ECT2L: variants seen among roughly 807,000 people sequenced by gnomAD.
ECT2L encodes epithelial cell-transforming sequence 2 oncogene-like.
In ECT2L, 126 loss-of-function variants were observed where a neutral mutation model predicts 122.8. The observed-to-expected ratio is 1.03, with a 90% CI of 0.89 to 1.19. The LOEUF (loss-of-function observed/expected upper bound fraction) is 1.19. Ranked by LOEUF, ECT2L falls within the 50% of genes most tolerant of loss-of-function variation. The pLI is 0.00. For synonymous variants in ECT2L, 385 were observed against 381.8 expected, an observed-to-expected ratio of 1.01 and a Z score of -0.10; for missense variants, 1,012 against 1,064.1, an observed-to-expected ratio of 0.95 and a Z score of 0.68.
At chr6:138,838,581 G>A (rs1324791095) in intron 5 of ECT2L, 67 bp downstream of exon 5, 3 of 1,474,410 alleles carry the variant, frequency 2.0e-6, no homozygotes, top group African/African-American at 1.4e-5. Context: ...GAGGCTACTG[G>A]GGTAGCTCCC....
chr6:138,830,069 A>G (rs1052948324), intron 4 of ECT2L, among the ~76,000 whole-genome samples: 7 of 152,210 alleles, frequency 4.6e-5, no homozygotes, highest in African/African-American at 1.7e-4. Flanking sequence ...CTGTATGGCT[A>G]TTCAACTAAT....
intron 10 of ECT2L, 127 bp from the exon 11 acceptor site, chr6:138,862,500 A>G: frequency 1.2e-6 from 1 of 840,568 alleles, no homozygotes. Flanking sequence ...CCCTCCTGCC[A>G]GGCCCCACCT....
chr6:138,880,972 A>T lies in ECT2L; in HGVS notation c.1681A>T (p.Lys561Ter), dbSNP rs188692292. The change falls in exon 15 of 22, where the codon AAG (lysine) becomes TAG (stop). Residue 561 changes from lysine to a stop codon, truncating the protein, a stop_gained. Transcript: ENST00000541398. LOFTEE classifies it high-confidence loss of function. ...TTCTCTACAGGAGAGAATACTCCAG[A>T]AGGACTCAGCAGAAAAGCGAGCTAG... The part of the protein sequence containing the change: ...ALINLERILQ[K>*]DSAEKRARVV... 1.2e-6 allele frequency: 2 copies of T among 1,613,942 alleles called. No individual in the cohort carries two copies. The highest frequency in any genetic ancestry group is 4.5e-5 in the East Asian group (2 of 44,846).
intron 21 of ECT2L, 52 bp from the exon 22 acceptor site, chr6:138,902,448 T>C (rs934723221): frequency 3.2e-5 from 49 of 1,542,414 alleles, no homozygotes; most frequent in Non-Finnish European, 4.1e-5. Context: ...TTTTTTCTCA[T>C]TTTGATTGTT....
chr6:138,804,211 G>A (rs996212112), intron 1 of ECT2L, among the ~76,000 whole-genome samples: 11 of 152,162 alleles, frequency 7.2e-5, no homozygotes, highest in African/African-American at 2.7e-4. Flanking sequence ...CAGACCATGC[G>A]TAATTGATTT....
intron 14 of ECT2L, among the ~76,000 whole-genome samples, chr6:138,877,746 C>T (rs541745072): frequency 1.3e-5 from 2 of 152,038 alleles, no homozygotes; most frequent in South Asian, 4.2e-4. Context: ...CCAGCCTGGG[C>T]AACATAGAAA....
intron 1 of ECT2L, among the ~76,000 whole-genome samples, chr6:138,800,771 G>A (rs1775514664): frequency 6.6e-6 from 1 of 152,160 alleles, no homozygotes; most frequent in African/African-American, 2.4e-5. Context: ...GCAGATGCAT[G>A]TCTCTGTTTG....
At chr6:138,831,474 A>G (rs1014558114) in intron 4 of ECT2L, among the ~76,000 whole-genome samples, 1 of 152,122 alleles carries the variant, frequency 6.6e-6, no homozygotes, top group African/African-American at 2.4e-5. Flanking sequence ...ACCTTCATCC[A>G]GCTCCTCAGG....
intron 10 of ECT2L, among the ~76,000 whole-genome samples, chr6:138,860,399 C>T (rs1777783253): frequency 6.6e-6 from 1 of 151,830 alleles, no homozygotes; most frequent in Non-Finnish European, 1.5e-5. Flanking sequence ...TAACTACTAT[C>T]CTTTTTCCAG....
Position 138,886,849 on chromosome 6 carries a change from TC to T in ECT2L, c.2260-4del. 1.2e-6 allele frequency: 2 copies of T among 1,611,318 alleles called. No individual in the cohort carries two copies. The highest frequency in any genetic ancestry group is 1.7e-6 in the Non-Finnish European group (2 of 1,178,170). On this transcript the variant is annotated splice_region_variant and splice_polypyrimidine_tract_variant and intron_variant, in intron 18 of 21. Coordinates refer to ENST00000541398, the MANE Select transcript of ECT2L (RefSeq NM_001077706.3). The stretch of plus-strand genomic sequence containing the variant: ...TTAGTTTGCCTAAAAGTACTTTTTT[TC>T]CCCTAGATGAAGCAAAACATCACTA...
At chr6:138,840,465 A>G (rs1385000757) in intron 5 of ECT2L, among the ~76,000 whole-genome samples, 1 of 152,026 alleles carries the variant, frequency 6.6e-6, no homozygotes, top group East Asian at 1.9e-4. Flanking sequence ...TCTATTTAAT[A>G]TTACCTCTAG....
chr6:138,827,550 G>T (rs577231986), intron 4 of ECT2L, among the ~76,000 whole-genome samples: 55 of 150,562 alleles, frequency 3.7e-4, no homozygotes, highest in African/African-American at 1.3e-3. Flanking sequence ...TATACCCTGG[G>T]TTATTATTTG....
At chr6:138,896,827 T>C (rs1461033537) in intron 20 of ECT2L, among the ~76,000 whole-genome samples, 2 of 152,104 alleles carry the variant, frequency 1.3e-5, no homozygotes, top group Non-Finnish European at 2.9e-5. Context: ...TTTGTATTTT[T>C]AGTAGAGACG....
Position 138,881,184 on chromosome 6 carries a change from T to C in ECT2L, c.1880+13T>C, listed in dbSNP as rs1326613909. On this transcript the variant is annotated intron_variant, in intron 15 of 21. Transcript: ENST00000541398. ...TAAGTCTCAACAGGTAAACCCTGAA[T>C]ATGTATTTTTTTTAATATTCATTGT... 6.2e-7 allele frequency: 1 copy of C among 1,609,686 alleles called. No homozygotes were observed. The highest frequency in any genetic ancestry group is 8.5e-7 in the Non-Finnish European group (1 of 1,177,450).
At chr6:138,802,711 T>C (rs1180319700) in intron 1 of ECT2L, among the ~76,000 whole-genome samples, 1 of 152,142 alleles carries the variant, frequency 6.6e-6, no homozygotes, top group East Asian at 1.9e-4. Flanking sequence ...ATTAAAGAAG[T>C]AGTAATTGCC....
At chr6:138,888,830 T>G (rs1219579883) in intron 19 of ECT2L, 113 bp from the exon 20 acceptor site, 2 of 387,712 alleles carry the variant, frequency 5.2e-6, no homozygotes, top group Non-Finnish European at 8.9e-6. Flanking sequence ...TTTTTCATAC[T>G]TGAACTGTGT....
intron 7 of ECT2L, among the ~76,000 whole-genome samples, chr6:138,845,232 T>G (rs903472788): frequency 8.8e-4 from 130 of 148,224 alleles, no homozygotes; most frequent in African/African-American, 3.1e-3. Flanking sequence ...TTTTTAACTT[T>G]TAACTTTGGA....
chr6:138,862,655 G>A lies in ECT2L; in HGVS notation c.1227G>A (p.Leu409=). The A allele has an allele frequency of 6.2e-7, 1 of 1,614,164 alleles. No individual in the cohort carries two copies. The highest frequency in any genetic ancestry group is 8.5e-7 in the Non-Finnish European group (1 of 1,179,978). Residue 409 remains leucine, a synonymous_variant, in exon 11 of 22, where the codon CTG becomes CTA. Transcript: ENST00000541398. ...CAGGAATTGAAGTTCTTTCCCAGCT[G>A]TCTCAACTAACTGGCACGTTCTTTA... is the stretch of plus-strand genomic sequence containing the variant. ...SEAGIEVLSQ[L]SQLTGTFFTA...
chr6:138,874,978 C>A (rs1657498413), intron 13 of ECT2L, among the ~76,000 whole-genome samples: 1 of 152,150 alleles, frequency 6.6e-6, no homozygotes, highest in Admixed American at 6.5e-5. Flanking sequence ...GTCCCAGCTA[C>A]TTGGGAGGTT....
Sources: gnomAD v4.1 joint callset for allele counts (sites outside exome capture counted in the v4.1 genomes callset) on GRCh38, gnomAD v4.1.1 for gene constraint, MANE v1.5 for transcripts, NCBI Gene and HGNC (gene_info 2026-07-23, HGNC 2026-07-21) for gene names.